PKD1: variants seen among roughly 807,000 people sequenced by gnomAD.
The protein encoded by PKD1 is polycystin 1, transient receptor potential channel interacting.
PKD1 carries 81 observed loss-of-function variants against 361.7 expected under a neutral mutation model. The observed-to-expected ratio is 0.22, with a 90% CI of 0.19 to 0.27. The LOEUF (loss-of-function observed/expected upper bound fraction) is 0.27, where lower values mean the gene tolerates loss of function less well. PKD1 is among the 10% of genes least tolerant of loss of function. PKD1 has a pLI of 1.00. For synonymous variants in PKD1, 3,615 were observed against 2,818.3 expected, an observed-to-expected ratio of 1.28 and a Z score of -8.95; for missense variants, 6,399 against 6,118.3, an observed-to-expected ratio of 1.05 and a Z score of -1.53.
In PKD1 at chr16:2,116,076, G is replaced by C. The variant is rs1274703869; in HGVS notation, c.1765C>G (p.Leu589Val). 2.6e-5 allele frequency: 40 copies of C among 1,531,784 alleles called. No homozygotes were observed. Among genetic ancestry groups the C allele is most frequent in the Non-Finnish European group, 3.5e-5 (39 of 1,127,340 alleles). 94.9% of individuals were successfully genotyped at this position (1,531,784 alleles called of 1,614,324 possible). Residue 589 changes from leucine to valine, a missense_variant, in exon 9 of 46, where the codon CTC (leucine) becomes GTC (valine). Leu to Val is a conservative substitution (Grantham distance 32, BLOSUM62 1). Coordinates refer to ENST00000262304, the MANE Select transcript of PKD1 (RefSeq NM_001009944.3). ...PGLRLSREAF[L>V]TTAEFGTQEL... ...TGGGTCCCAAATTCGGCCGTGGTGA[G>C]GAAGGCTTCACGGCTCAGACGCAGG...
chr16:2,109,880 A>G lies in PKD1; in HGVS notation c.5287T>C (p.Ser1763Pro), dbSNP rs867508668. The change falls in exon 15 of 46, where the codon TCC (serine) becomes CCC (proline). Residue 1763 changes from serine (S) to proline (P), a missense_variant. Transcript: ENST00000262304. ...SLEEGLSWET[S>P]EPFTTHSFPT... ...AAGCTATGGGTGGTAAATGGCTCGG[A>G]GGTCTCCCAGCTCAGCCCCTCCTCC... 1.2e-5 allele frequency: 19 copies of G among 1,610,502 alleles called. No individual in the cohort carries two copies. In the South Asian group the frequency reaches 1.3e-4, roughly 11 times the overall value.
intron 1 of PKD1, among the ~76,000 whole-genome samples, chr16:2,122,575 C>T (rs1052109498): frequency 6.6e-6 from 1 of 152,206 alleles, no homozygotes; most frequent in Non-Finnish European, 1.5e-5. Flanking sequence ...AGGGTGGTGG[C>T]TGGGAGACCA....
At position 2,093,530 on chromosome 16, in the gene PKD1, G is replaced by A. The variant is rs367731485; in HGVS notation, c.11016+14C>T. On this transcript the variant is annotated intron_variant, in intron 37 of 45. Coordinates refer to ENST00000262304, the MANE Select transcript of PKD1 (RefSeq NM_001009944.3). Reference sequence around the variant, plus strand: ...GACGGAGGTGGCAGGGGCACAGGCCGCACCCAGGCTCACCCGCAGCATGCC... The same window carrying A: ...GACGGAGGTGGCAGGGGCACAGGCCACACCCAGGCTCACCCGCAGCATGCC... The A allele has an allele frequency of 5.7e-6, 9 of 1,587,434 alleles. No individual in the cohort carries two copies. Among genetic ancestry groups the A allele is most frequent in the East Asian group, 2.3e-5 (1 of 43,826 alleles).
At chr16:2,104,011 G>C (rs2092218484) in intron 22 of PKD1, 116 bp from the exon 23 acceptor site, 10 of 395,166 alleles carry the variant, frequency 2.5e-5, no homozygotes, top group South Asian at 1.6e-4. Flanking sequence ...TGAGGGGGCA[G>C]AGAGCGAGGT....
intron 26 of PKD1, among the ~76,000 whole-genome samples, chr16:2,101,152 A>G (rs1205788479): frequency 6.6e-6 from 1 of 151,814 alleles, no homozygotes; most frequent in Admixed American, 6.6e-5. Flanking sequence ...CGCCGGGCTA[A>G]TTTTTTTGTA....
In PKD1 at chr16:2,106,118, A is replaced by T; in HGVS notation, c.7676T>A (p.Leu2559Gln). The change falls in exon 19 of 46, where the codon CTG becomes CAG. Residue 2559 changes from leucine to glutamine, a missense_variant. By Grantham distance (113) the Leu-to-Gln change is moderately radical (BLOSUM62 -2). Coordinates refer to ENST00000262304, the MANE Select transcript of PKD1 (RefSeq NM_001009944.3). This position sits in a 1 kb window ranked among gnomAD's most constrained non-coding sequence, Gnocchi z 6.5. ...GTTGAGGGCGACCACAGCGGCTCCC[A>T]GCTGGTCCTGCACCACCACGGCCAG... ...VGLAVVVQDQ[L>Q]GAAVVALNRS... is the part of the protein sequence containing the mutation. 6.2e-7 allele frequency: 1 copy of T among 1,605,380 alleles called. No homozygotes were observed. The highest frequency in any genetic ancestry group is 8.5e-7 in the Non-Finnish European group (1 of 1,176,782).
Position 2,110,299 on chromosome 16 carries a change from C to G in PKD1, c.4868G>C (p.Ser1623Thr). 2 of 1,612,654 alleles carry G rather than the reference C, an allele frequency of 1.2e-6. No individual in the cohort carries two copies. The highest frequency in any genetic ancestry group is 2.7e-5 in the African/African-American group (2 of 75,058). The change falls in exon 15 of 46, where the codon AGC (serine) becomes ACC (threonine). Residue 1623 changes from serine to threonine, a missense_variant. By Grantham distance (58) the Ser-to-Thr change is moderately conservative (BLOSUM62 1). Transcript: ENST00000262304. ...AENEVGSAQD[S>T]IFVYVLQLIE... ...GAGCTGCAGGACATAGACGAAGATG[C>G]TGTCCTGGGCGGAGCCCACCTCGTT...
In PKD1 at chr16:2,108,882, G is replaced by T. The variant is rs765861287; in HGVS notation, c.6285C>A (p.Asp2095Glu). The T allele has an allele frequency of 2.0e-5, 31 of 1,579,512 alleles. No individual in the cohort carries two copies. The East Asian group carries it at 7.0e-4, about 36-fold the overall frequency. ...CCTGCCCTGGCGACCCATCCCCAAA[G>T]TCCCAGTGGTAGGCCACACGCCGGG... ...PSPRRVAYHW[D>E]FGDGSPGQDT... is the part of the protein sequence containing the mutation. Residue 2095 changes from aspartate (D) to glutamate (E), a missense_variant, in exon 15 of 46, where the codon GAC (aspartate) becomes GAA (glutamate). Coordinates refer to ENST00000262304, the MANE Select transcript of PKD1 (RefSeq NM_001009944.3).
intron 1 of PKD1, among the ~76,000 whole-genome samples, chr16:2,132,191 C>T (rs1596627908): frequency 1.4e-5 from 2 of 147,528 alleles, no homozygotes; most frequent in African/African-American, 5.0e-5. Flanking sequence ...CGGAGGTTGC[C>T]GTGAGGTGAG....
rs144663361 is a variant in PKD1 at position 2,110,025 on chromosome 16, G to A, written c.5142C>T (p.Phe1714=). 224 of 1,610,512 alleles carry A rather than the reference G, an allele frequency of 1.4e-4. No individual in the cohort carries two copies. In the African/African-American group the frequency reaches 2.5e-3, roughly 18 times the overall value. Residue 1714 remains phenylalanine (F), a synonymous_variant, in exon 15 of 46, where the codon TTC becomes TTT. Coordinates refer to ENST00000262304, the MANE Select transcript of PKD1 (RefSeq NM_001009944.3). ...CCATCAGCCACCCCACAGGCTCCACGAAGTCCATGGTGCAGTCGGCCCAGG... is the reference window on the plus strand; with the variant it reads ...CCATCAGCCACCCCACAGGCTCCACAAAGTCCATGGTGCAGTCGGCCCAGG... ...GSAWADCTMD[F]VEPVGWLMVA... is the part of the protein sequence containing the mutation.
At chr16:2,095,668 G>A (rs549291017) in intron 34 of PKD1, among the ~76,000 whole-genome samples, 4 of 152,232 alleles carry the variant, frequency 2.6e-5, no homozygotes, top group Non-Finnish European at 5.9e-5. Flanking sequence ...GAGGAAGGAC[G>A]CAGAGGGGTC....
Position 2,132,237 on chromosome 16 carries a change from C to A in PKD1, c.215+3238G>T, listed in dbSNP as rs528310670. On this transcript the variant is annotated intron_variant, in intron 1 of 45. Transcript: ENST00000262304. ...TGCACTCCAGCCTGGGCAACAAGAGCGAAACTCCGTCTCAAAAAAAAAAAA... is the reference window on the plus strand; with the variant it reads ...TGCACTCCAGCCTGGGCAACAAGAGAGAAACTCCGTCTCAAAAAAAAAAAA... Among the ~76,000 whole-genome samples, 135 of 143,098 alleles carry A rather than the reference C, an allele frequency of 9.4e-4. 1 individual carries two copies. Among genetic ancestry groups the A allele is most frequent in the Non-Finnish European group, 3.6e-4 (24 of 66,130 alleles). The allele number at this position is 143,098 out of a possible 152,430, so 93.9% of individuals were successfully genotyped here.
intron 21 of PKD1, 69 bp from the exon 22 acceptor site, chr16:2,104,711 C>T (rs987157666): frequency 4.6e-5 from 40 of 876,766 alleles, no homozygotes; most frequent in Admixed American, 4.1e-4. Flanking sequence ...CCTCTCTACA[C>T]GGGTCCTCAC....
At chr16:2,091,729 C>T in intron 41 of PKD1, 52 bp downstream of exon 41, 1 of 1,599,642 alleles carries the variant, frequency 6.3e-7, no homozygotes, top group Non-Finnish European at 8.5e-7. Context: ...AGGGTGGGCT[C>T]CTGGCTGGTG....
rs745812853 is a variant in PKD1 at position 2,106,486 on chromosome 16, G to A, written c.7401C>T (p.Pro2467=). The part of the protein sequence containing the change: ...EEGCASIRLS[P]NRPPLGGSCR... ...AAGAGCCCCCCAGCGGCGGGCGGTT[G>A]GGGGACAGGCGGATGGAGGCGCAGC... The change falls in exon 18 of 46, where the codon CCC becomes CCT. Residue 2467 remains proline, a synonymous_variant. Transcript: ENST00000262304. The surrounding 1 kb of genome is among the most constrained non-coding windows in gnomAD (Gnocchi z 6.5). The A allele has an allele frequency of 3.8e-6, 6 of 1,593,242 alleles. No individual in the cohort carries two copies. The highest frequency in any genetic ancestry group is 5.1e-6 in the Non-Finnish European group (6 of 1,177,186).
intron 30 of PKD1, chr16:2,098,235 G>A (rs1356837528): frequency 5.4e-6 from 3 of 557,824 alleles, no homozygotes; most frequent in Non-Finnish European, 9.7e-6. Flanking sequence ...TTTTTAGATG[G>A]AGTCTCGCTG....
chr16:2,103,944 G>A (rs765523274), intron 22 of PKD1, 49 bp from the exon 23 acceptor site: 69 of 1,285,442 alleles, frequency 5.4e-5, no homozygotes, highest in Middle Eastern at 5.2e-4. Flanking sequence ...TAGAGGGAGG[G>A]TGGGGGCAGG....
intron 41 of PKD1, 63 bp from the exon 42 acceptor site, chr16:2,091,660 G>T: frequency 6.4e-7 from 1 of 1,558,952 alleles, no homozygotes; most frequent in Non-Finnish European, 8.6e-7. Context: ...GGACCGCGCA[G>T]TGCAGGCGTG....
Position 2,106,036 on chromosome 16 carries a change from G to A in PKD1, c.7704-12C>T, listed in dbSNP as rs747243656. On this transcript the variant is annotated splice_polypyrimidine_tract_variant and intron_variant, in intron 19 of 45. Coordinates refer to ENST00000262304, the MANE Select transcript of PKD1 (RefSeq NM_001009944.3). This position sits in a 1 kb window ranked among gnomAD's most constrained non-coding sequence, Gnocchi z 6.5. ...TGATGGCCAAAGACCTACGAGCAGA[G>A]GGGGGTGGTGAGCAGGTGGCAGTCT... 23 of 1,606,056 alleles carry A rather than the reference G, an allele frequency of 1.4e-5. No homozygotes were observed. The highest frequency in any genetic ancestry group is 1.3e-4 in the East Asian group (6 of 44,868).
Sources: gnomAD v4.1 joint callset for allele counts (sites outside exome capture counted in the v4.1 genomes callset) on GRCh38, gnomAD v4.1.1 for gene constraint, Gnocchi (gnomAD v3.1) non-coding constraint, MANE v1.5 for transcripts, NCBI Gene and HGNC (gene_info 2026-07-23, HGNC 2026-07-21) for gene names.